The following POM121 variants were observed in gnomAD, a reference collection of about 807,000 sequenced individuals.
POM121 encodes the protein POM121 transmembrane nucleoporin.
POM121 carries 32 observed loss-of-function variants against 81.3 expected under a neutral mutation model. The observed-to-expected ratio is 0.39, with a 90% CI of 0.30 to 0.53. POM121 has a LOEUF of 0.53. Ranked by LOEUF, POM121 falls within the 20% of genes least tolerant of loss-of-function variation. POM121 has a pLI of 0.66. For synonymous variants in POM121, 514 were observed against 694.2 expected (o/e 0.74, Z 4.08); for missense variants, 1,138 against 1,614.6 (o/e 0.70, Z 5.06).
chr7:72,940,317 T>TG (rs1554500601), intron 8 of POM121, 97 bp from the exon 9 acceptor site: 1 of 562,072 alleles, frequency 1.8e-6, no homozygotes, highest in Non-Finnish European at 3.2e-6. Flanking sequence ...CCAGCTGGCT[T>TG]GGCCTCCCAA....
At chr7:72,879,479 A>T (rs1328926892) in exon 1 of POM121, 1 of 226,838 alleles carries the variant, frequency 4.4e-6, no homozygotes, top group Non-Finnish European at 8.8e-6. Flanking sequence ...GCCAGCACCT[A>T]GGCGGGCGGG....
At chr7:72,893,888 G>T (rs1791575207) in intron 3 of POM121, among the ~76,000 whole-genome samples, 1 of 152,102 alleles carries the variant, frequency 6.6e-6, no homozygotes, top group African/African-American at 2.4e-5. Flanking sequence ...CCTGGTTTCT[G>T]CTCAACTCGG....
intron 4 of POM121, among the ~76,000 whole-genome samples, chr7:72,919,657 T>A (rs538566059): frequency 6.6e-6 from 1 of 151,976 alleles, no homozygotes; most frequent in East Asian, 1.9e-4. Flanking sequence ...TATTTTTGTA[T>A]TTTTTTTAGA....
chr7:72,892,397 T>A (rs1408827247), intron 3 of POM121, among the ~76,000 whole-genome samples: 1 of 152,334 alleles, frequency 6.6e-6, no homozygotes, highest in Non-Finnish European at 1.5e-5. Flanking sequence ...TCTACCTTCC[T>A]CACCTCCCAG....
intron 5 of POM121, 82 bp from the exon 6 acceptor site, chr7:72,938,508 T>C: frequency 6.9e-7 from 1 of 1,446,292 alleles, no homozygotes; most frequent in Non-Finnish European, 9.7e-7. Context: ...GTTTTTTTAG[T>C]CACTTGAAAA....
intron 3 of POM121, among the ~76,000 whole-genome samples, chr7:72,898,387 C>T (rs1792186099): frequency 1.3e-5 from 2 of 152,160 alleles, no homozygotes; most frequent in South Asian, 2.1e-4. Context: ...ACCCACTGCA[C>T]CTGGCTTTGC....
At chr7:72,920,451 CCA>C (rs1292376189), upstream of POM121, among the ~76,000 whole-genome samples, 1 of 151,156 alleles carries the variant, frequency 6.6e-6, no homozygotes, top group Non-Finnish European at 1.5e-5. Context: ...TGGGTTCACG[CCA>C]TTCTCCTGCC....
At position 72,941,856 on chromosome 7, in the gene POM121, C is replaced by T. The variant is rs201334924; in HGVS notation, c.1863C>T (p.Thr621=). 374 of 1,477,628 alleles carry T rather than the reference C, an allele frequency of 2.5e-4. No homozygotes were observed. The highest frequency in any genetic ancestry group is 3.2e-4 in the Non-Finnish European group (355 of 1,095,864). The allele number at this position is 1,477,628 out of a possible 1,614,324, so 91.5% of individuals were successfully genotyped here. Residue 621 remains threonine (T), a synonymous_variant, in exon 11 of 13, where the codon ACC becomes ACT. Transcript: ENST00000434423. ...PPCPESAGAA[T]TEALSPPKTP... ...TTCCAGAATCTGCTGGAGCAGCAAC[C>T]ACTGAGGCCCTCTCACCTCCAAAGA...
At chr7:72,936,529 G>A (rs1212411367) in intron 5 of POM121, among the ~76,000 whole-genome samples, 3 of 152,276 alleles carry the variant, frequency 2.0e-5, no homozygotes, top group Admixed American at 6.5e-5. Context: ...CGCCCACCTT[G>A]GCCTCCCAAA....
intron 1 of POM121, among the ~76,000 whole-genome samples, chr7:72,888,977 C>G (rs1312058059): frequency 6.6e-6 from 1 of 151,986 alleles, no homozygotes; most frequent in African/African-American, 2.4e-5. Context: ...AAGTATTAAA[C>G]TAGTCTATAT....
chr7:72,915,357 C>A (rs1381781376), intron 4 of POM121, among the ~76,000 whole-genome samples: 1 of 152,156 alleles, frequency 6.6e-6, no homozygotes, highest in African/African-American at 2.4e-5. Flanking sequence ...TATTGATTAA[C>A]AAACTAGCCA....
downstream of POM121, chr7:72,949,303 A>G (rs201396745): frequency 4.9e-3 from 4,018 of 821,202 alleles, 110 homozygotes; most frequent in Middle Eastern, 8.8e-3. Flanking sequence ...ACGCCTTCTC[A>G]CCATCTCACC....
chr7:72,924,680 T>G, upstream of POM121: 1 of 164,594 alleles, frequency 6.1e-6, no homozygotes, highest in Non-Finnish European at 1.3e-5. Flanking sequence ...ATCTGGGCCA[T>G]GATGTGAAAT....
intron 3 of POM121, among the ~76,000 whole-genome samples, chr7:72,906,516 G>A (rs1193880305): frequency 2.0e-5 from 3 of 152,240 alleles, no homozygotes; most frequent in East Asian, 1.9e-4. Flanking sequence ...ATGTTTCAGA[G>A]TTCCAAAAGA....
At chr7:72,908,745 A>T (rs561811356) in intron 3 of POM121, among the ~76,000 whole-genome samples, 7 of 152,250 alleles carry the variant, frequency 4.6e-5, no homozygotes, top group African/African-American at 1.7e-4. Flanking sequence ...ATTCAGCGTT[A>T]TTTCTCCTAT....
At chr7:72,933,838 C>A (rs1369251933) in intron 5 of POM121, among the ~76,000 whole-genome samples, 1 of 152,148 alleles carries the variant, frequency 6.6e-6, no homozygotes, top group East Asian at 1.9e-4. Flanking sequence ...GAATAACTTA[C>A]AGTATTGGTG....
upstream of POM121, among the ~76,000 whole-genome samples, chr7:72,923,902 CTTATTT>C (rs1795087653): frequency 6.8e-6 from 1 of 146,000 alleles, no homozygotes; most frequent in South Asian, 2.2e-4. Flanking sequence ...GCCTGGCCTT[CTTATTT>C]TTTTTTCCTG....
chr7:72,921,503 C>T (rs1250912431), upstream of POM121, among the ~76,000 whole-genome samples: 3 of 152,216 alleles, frequency 2.0e-5, no homozygotes, highest in African/African-American at 7.2e-5. Context: ...GCTCTCTGCA[C>T]TGCAGTTGGG....
chr7:72,922,929 C>T (rs1265885435), upstream of POM121, among the ~76,000 whole-genome samples: 2 of 151,952 alleles, frequency 1.3e-5, no homozygotes, highest in Non-Finnish European at 2.9e-5. Context: ...TTAAAGAGCC[C>T]CTACTGACCT....
Sources: gnomAD v4.1 joint callset for allele counts (sites outside exome capture counted in the v4.1 genomes callset) on GRCh38, gnomAD v4.1.1 for gene constraint, MANE v1.5 for transcripts, NCBI Gene and HGNC (gene_info 2026-07-23, HGNC 2026-07-21) for gene names.